DOK7: variants seen among roughly 807,000 people sequenced by gnomAD.
DOK7 encodes the protein protein Dok-7.
A neutral mutation model predicts 30.7 loss-of-function variants in DOK7; 32 were observed. The observed-to-expected ratio is 1.04, with a 90% CI of 0.79 to 1.40. The LOEUF is 1.40. Among genes scored for constraint, DOK7 ranks in the 40% most tolerant of loss-of-function variants. The probability of loss-of-function intolerance (pLI) is 0.00; values close to 1 mark genes in which losing one functional copy is unlikely to be tolerated. For synonymous variants in DOK7, 447 were observed against 324.1 expected, an observed-to-expected ratio of 1.38 and a Z score of -4.07; for missense variants, 1,007 against 699.2, an observed-to-expected ratio of 1.44 and a Z score of -4.97.
intron 6 of DOK7, 111 bp downstream of exon 6, chr4:3,489,907 T>TA: frequency 1.4e-6 from 2 of 1,460,950 alleles, no homozygotes; most frequent in Non-Finnish European, 1.8e-6. Flanking sequence ...TGCTCATTCA[T>TA]TCATTCCTTC....
At chr4:3,491,224 C>G (rs1222406238) in intron 6 of DOK7, among the ~76,000 whole-genome samples, 1 of 102,006 alleles carries the variant, frequency 9.8e-6, no homozygotes, top group Non-Finnish European at 1.8e-5. Flanking sequence ...TTCCTTCCTT[C>G]TCCCGCTGCT....
intron 2 of DOK7, among the ~76,000 whole-genome samples, chr4:3,465,785 C>T (rs996074799): frequency 6.6e-6 from 1 of 152,200 alleles, no homozygotes; most frequent in Non-Finnish European, 1.5e-5. Context: ...ACCGCGTCCT[C>T]ACTGCGGAAT....
At chr4:3,498,311 G>C (rs746150883), downstream of DOK7, among the ~76,000 whole-genome samples, 3 of 152,172 alleles carry the variant, frequency 2.0e-5, no homozygotes, top group Admixed American at 1.3e-4. Context: ...ATACAGATAC[G>C]GACACACTGC....
At chr4:3,480,798 A>C (rs114071977) in intron 4 of DOK7, among the ~76,000 whole-genome samples, 2,514 of 151,990 alleles carry the variant, frequency 0.017, 59 homozygotes, top group African/African-American at 0.057. Context: ...GCAGTTTCTC[A>C]TTGCCGGGCG....
chr4:3,481,543 C>CAA (rs1727445204), intron 4 of DOK7, among the ~76,000 whole-genome samples: 1 of 152,086 alleles, frequency 6.6e-6, no homozygotes, highest in South Asian at 2.1e-4. Context: ...CCTTCCTCCA[C>CAA]CCGAGACCCA....
rs1577181909 is a variant in DOK7, at chr4:3,492,842, G to A, written c.856G>A (p.Glu286Lys). The A allele has an allele frequency of 6.2e-7, 1 of 1,612,186 alleles. No individual in the cohort carries two copies. The highest frequency in any genetic ancestry group is 8.5e-7 in the Non-Finnish European group (1 of 1,179,766). Residue 286 changes from glutamate to lysine, a missense_variant, in exon 7 of 7, where the codon GAG (glutamate) becomes AAG (lysine). Coordinates refer to ENST00000340083, the MANE Select transcript of DOK7 (RefSeq NM_173660.5). ...SASSRLTAWP[E>K]QSSSSASTSQ... is the part of the protein sequence containing the mutation. ...CAGCAGCCGGCTCACCGCATGGCCA[G>A]AGCAATCCTCGTCGTCAGCCAGCAC...
At chr4:3,468,870 C>CCT (rs140811253) in intron 2 of DOK7, among the ~76,000 whole-genome samples, 27,124 of 137,012 alleles carry the variant, frequency 0.2, 2,938 homozygotes, top group African/African-American at 0.33. Context: ...AGTGTGCATG[C>CCT]CTGTGTACGA....
exon 8 of DOK7, chr4:3,500,795 G>C (rs1208863872): frequency 2.6e-6 from 4 of 1,533,942 alleles, no homozygotes; most frequent in East Asian, 2.4e-5. Flanking sequence ...AGCTGTCGGA[G>C]CTGGAGCAGA....
At chr4:3,486,723 G>T (rs888251551) in intron 5 of DOK7, among the ~76,000 whole-genome samples, 5 of 151,876 alleles carry the variant, frequency 3.3e-5, no homozygotes, top group East Asian at 1.9e-4. Flanking sequence ...TTCCTGCCTA[G>T]TGGATGCACC....
At position 3,493,354 on chromosome 4, in the gene DOK7, G is replaced by C; in HGVS notation, c.1368G>C (p.Met456Ile). Reference sequence around the variant, plus strand: ...GCACGAGACGGCGGGGCCTGGTGATGGAGGCCCCCCAGGGCAGCGAGGCCA... The same window carrying C: ...GCACGAGACGGCGGGGCCTGGTGATCGAGGCCCCCCAGGGCAGCGAGGCCA... The part of the protein sequence containing the change: ...WLGTRRRGLV[M>I]EAPQGSEATL... The change falls in exon 7 of 7, where the codon ATG becomes ATC. Residue 456 changes from methionine to isoleucine, a missense_variant. Coordinates refer to ENST00000340083, the MANE Select transcript of DOK7 (RefSeq NM_173660.5). The C allele has an allele frequency of 1.3e-6, 2 of 1,598,648 alleles. No homozygotes were observed. The highest frequency in any genetic ancestry group is 1.7e-6 in the Non-Finnish European group (2 of 1,172,946).
intron 2 of DOK7, among the ~76,000 whole-genome samples, chr4:3,468,756 G>A (rs983451397): frequency 8.8e-6 from 1 of 113,512 alleles, no homozygotes; most frequent in Admixed American, 9.3e-5. Context: ...GTGTCTGTGT[G>A]CGTGTGTGTG....
At chr4:3,468,187 G>T (rs534658975) in intron 2 of DOK7, among the ~76,000 whole-genome samples, 39 of 143,568 alleles carry the variant, frequency 2.7e-4, no homozygotes, top group East Asian at 1.2e-3. Context: ...TGTGTGTGGG[G>T]GTGTGTGTGC....
intron 2 of DOK7, among the ~76,000 whole-genome samples, chr4:3,466,109 A>G (rs954486340): frequency 6.6e-6 from 1 of 151,720 alleles, no homozygotes; most frequent in African/African-American, 2.4e-5. Flanking sequence ...TGGAGTCACC[A>G]TGGTGGGGGG....
At chr4:3,490,501 C>CTCTGCTCATTCATT (rs1728254597) in intron 6 of DOK7, among the ~76,000 whole-genome samples, 1 of 126,904 alleles carries the variant, frequency 7.9e-6, no homozygotes, top group African/African-American at 3.3e-5. Context: ...TTCCTTTTCC[C>CTCTGCTCATTCATT]CCTGCTCATT....
intron 2 of DOK7, among the ~76,000 whole-genome samples, chr4:3,465,614 C>T (rs1000194206): frequency 6.6e-6 from 1 of 152,228 alleles, no homozygotes; most frequent in Non-Finnish European, 1.5e-5. Flanking sequence ...ATCGTGAGCA[C>T]GTCTTTCTGT....
intron 2 of DOK7, among the ~76,000 whole-genome samples, chr4:3,466,452 A>G (rs1726269851): frequency 6.6e-6 from 1 of 152,116 alleles, no homozygotes. Flanking sequence ...CTGGGGGTGG[A>G]CACTGGGTCG....
At position 3,493,054 on chromosome 4, in the gene DOK7, G is replaced by C. The variant is rs372407972; in HGVS notation, c.1068G>C (p.Ala356=). ...ACTCCAGCAGCCTCTCGTCCTACGC[G>C]GGCAGCAGCCTGGACGTGTGGCGGG... ...SSYSSSLSSY[A]GSSLDVWRAT... Residue 356 remains alanine, a synonymous_variant, in exon 7 of 7, where the codon GCG becomes GCC. Transcript: ENST00000340083. 7 of 1,574,716 alleles carry C rather than the reference G, an allele frequency of 4.4e-6. No individual in the cohort carries two copies. The highest frequency in any genetic ancestry group is 2.3e-5 in the East Asian group (1 of 43,278).
chr4:3,463,565 GCGGGGGA>G lies in DOK7; in HGVS notation c.100+21_100+27del. The G allele has an allele frequency of 1.3e-6, 2 of 1,516,436 alleles. No individual in the cohort carries two copies. The highest frequency in any genetic ancestry group is 1.8e-6 in the Non-Finnish European group (2 of 1,134,630). 93.9% of individuals were successfully genotyped at this position (1,516,436 alleles called of 1,614,324 possible). ...CGCCCGTGGCAGGTGAGCGGGGCGG[GCGGGGGA>G]CGGGGGGCGCGGGGGTAGCGACACG... On this transcript the variant is annotated intron_variant, in intron 2 of 6. Transcript: ENST00000340083.
rs1726092045 is a variant in DOK7, at chr4:3,463,494, CT to C, written c.55-11del. The C allele has an allele frequency of 2.7e-6, 4 of 1,486,986 alleles. No homozygotes were observed. Among genetic ancestry groups the C allele is most frequent in the South Asian group, 1.2e-5 (1 of 81,598 alleles). 92.1% of individuals were successfully genotyped at this position (1,486,986 alleles called of 1,614,324 possible). A position where few individuals can be genotyped will look rare whatever the true frequency, so the allele number is the denominator to read the frequency against. ...CGCGGGCGGCGGCTCACGCTCCCCC[CT>C]GTCCCCGCAGTGGAAGAGTAGGTGG... On this transcript the variant is annotated splice_polypyrimidine_tract_variant and intron_variant, in intron 1 of 6. Transcript: ENST00000340083.
Sources: allele counts gnomAD v4.1 joint callset (sites outside exome capture counted in the v4.1 genomes callset), GRCh38; gene constraint gnomAD v4.1.1; transcripts MANE v1.5; gene names NCBI Gene and HGNC (gene_info 2026-07-23, HGNC 2026-07-21).